ICA1L: variants seen among roughly 807,000 people sequenced by gnomAD.
ICA1L encodes islet cell autoantigen 1-like protein.
ICA1L carries 50 observed loss-of-function variants against 61.3 expected under a neutral mutation model. The observed-to-expected ratio is 0.82, with a 90% CI of 0.65 to 1.03. The LOEUF is 1.03. Among genes scored for constraint, ICA1L ranks in the 50% least tolerant of loss-of-function variants. ICA1L has a pLI of 0.00. For missense variants in ICA1L, 508 were observed against 556.7 expected (o/e 0.91, Z 0.88); for synonymous variants, 161 against 191.3 (o/e 0.84, Z 1.31).
At chr2:202,831,403 C>T (rs1022579117) in intron 1 of ICA1L, among the ~76,000 whole-genome samples, 2 of 152,092 alleles carry the variant, frequency 1.3e-5, no homozygotes, top group Non-Finnish European at 2.9e-5. Flanking sequence ...TGGTTGCTCT[C>T]AACTGCTTTC....
intron 1 of ICA1L, chr2:202,840,670 C>T: frequency 1.7e-6 from 1 of 593,054 alleles, no homozygotes; most frequent in Non-Finnish European, 3.2e-6. Context: ...GGTACTCATG[C>T]AGCTGCTACG....
intron 1 of ICA1L, among the ~76,000 whole-genome samples, chr2:202,833,023 G>C (rs1288562825): frequency 6.6e-6 from 1 of 151,590 alleles, no homozygotes; most frequent in Non-Finnish European, 1.5e-5. Context: ...ACCCCACGCA[G>C]GATAATACAA....
In ICA1L at chr2:202,774,410, G is replaced by T; in HGVS notation, c.*5123C>A. 1 of 990,032 alleles carries T rather than the reference G, an allele frequency of 1.0e-6. No homozygotes were observed. Among genetic ancestry groups the T allele is most frequent in the Non-Finnish European group, 1.4e-6 (1 of 740,350 alleles). The allele number at this position is 990,032 out of a possible 1,614,324, so 61.3% of individuals were successfully genotyped here. ...GCCTCACTGCGCCTCCAACAGCCAG[G>T]GTCGAGCCCCTGGCTCCCCGTTCGT... On this transcript the variant is annotated 3_prime_UTR_variant, in exon 13 of 13. Coordinates refer to ENST00000358299, the MANE Select transcript of ICA1L (RefSeq NM_001288622.3).
At chr2:202,783,614 T>G (rs1295999852) in intron 12 of ICA1L, among the ~76,000 whole-genome samples, 1 of 152,238 alleles carries the variant, frequency 6.6e-6, no homozygotes, top group African/African-American at 2.4e-5. Context: ...ATTAAAAGAC[T>G]AAAGAGACTT....
chr2:202,779,374 C>G lies in ICA1L; in HGVS notation c.*159G>C. On this transcript the variant is annotated 3_prime_UTR_variant, in exon 13 of 13. Transcript: ENST00000358299. ...AAGATATGAAAGATGTGTACTTATT[C>G]AAATGTGGTCTTTACCATCTGTCTA... 2.0e-6 allele frequency: 1 copy of G among 496,118 alleles called. No individual in the cohort carries two copies. The highest frequency in any genetic ancestry group is 3.8e-5 in the Admixed American group (1 of 26,542). 30.7% of individuals were successfully genotyped at this position (496,118 alleles called of 1,614,324 possible).
chr2:202,868,572 C>T (rs1461608745), intron 1 of ICA1L, among the ~76,000 whole-genome samples: 2 of 152,170 alleles, frequency 1.3e-5, no homozygotes, highest in Non-Finnish European at 2.9e-5. Flanking sequence ...TGAATGTCTA[C>T]TTATTTTAGC....
At chr2:202,866,741 T>A (rs372111696) in intron 1 of ICA1L, among the ~76,000 whole-genome samples, 3 of 151,626 alleles carry the variant, frequency 2.0e-5, no homozygotes, top group African/African-American at 7.3e-5. Context: ...AGGTCAGGAG[T>A]TCGAGACCAG....
chr2:202,794,721 G>T (rs1005836167), intron 10 of ICA1L, among the ~76,000 whole-genome samples: 2 of 151,754 alleles, frequency 1.3e-5, no homozygotes, highest in African/African-American at 4.8e-5. Flanking sequence ...ATATATAATG[G>T]AAAAGAAAAC....
At chr2:202,806,702 T>G (rs1693237964) in intron 9 of ICA1L, among the ~76,000 whole-genome samples, 1 of 152,008 alleles carries the variant, frequency 6.6e-6, no homozygotes, top group Non-Finnish European at 1.5e-5. Flanking sequence ...CTTTTATTTA[T>G]TGGTCACCTA....
chr2:202,836,798 T>TAG (rs1559143070), intron 1 of ICA1L, among the ~76,000 whole-genome samples: 24 of 147,782 alleles, frequency 1.6e-4, no homozygotes, highest in Non-Finnish European at 2.5e-4. Flanking sequence ...TGTATATCTA[T>TAG]ATATATAGAT....
chr2:202,839,582 G>C (rs1266488590), intron 1 of ICA1L, among the ~76,000 whole-genome samples: 1 of 135,770 alleles, frequency 7.4e-6, no homozygotes, highest in Non-Finnish European at 1.7e-5. Flanking sequence ...GTGTGTGTGT[G>C]TGTGTGTGTG....
At chr2:202,817,328 A>G (rs1693564705) in intron 6 of ICA1L, 90 bp downstream of exon 6, 9 of 1,213,438 alleles carry the variant, frequency 7.4e-6, no homozygotes, top group Non-Finnish European at 7.8e-6. Flanking sequence ...CTAATCATAC[A>G]TAAATTTTTA....
At chr2:202,813,251 A>G (rs1693431211) in intron 8 of ICA1L, among the ~76,000 whole-genome samples, 1 of 137,092 alleles carries the variant, frequency 7.3e-6, no homozygotes, top group Non-Finnish European at 1.6e-5. Context: ...AAAGAGTGAG[A>G]CTCTGTCAAA....
intron 3 of ICA1L, 41 bp from the exon 4 acceptor site, chr2:202,821,522 T>A: frequency 6.7e-7 from 1 of 1,501,350 alleles, no homozygotes; most frequent in Non-Finnish European, 9.1e-7. Flanking sequence ...TTTCCTTTCA[T>A]CATTTGTTTA....
chr2:202,824,094 A>T (rs767609138), intron 3 of ICA1L, among the ~76,000 whole-genome samples: 18 of 152,208 alleles, frequency 1.2e-4, no homozygotes, highest in Non-Finnish European at 2.2e-4. Flanking sequence ...CTGGGGACAC[A>T]GAAATAAAAC....
At chr2:202,870,180 T>A (rs1209178614) in intron 1 of ICA1L, among the ~76,000 whole-genome samples, 1 of 152,222 alleles carries the variant, frequency 6.6e-6, no homozygotes, top group Non-Finnish European at 1.5e-5. Flanking sequence ...CAGTATATTA[T>A]CTATTTTGTA....
At chr2:202,862,738 G>A (rs567385240) in intron 1 of ICA1L, among the ~76,000 whole-genome samples, 1 of 151,950 alleles carries the variant, frequency 6.6e-6, no homozygotes, top group Non-Finnish European at 1.5e-5. Context: ...TCGGGAGGCT[G>A]AGGCAGGAGA....
intron 9 of ICA1L, among the ~76,000 whole-genome samples, chr2:202,807,626 T>C (rs1267118358): frequency 1.3e-5 from 2 of 152,086 alleles, no homozygotes; most frequent in Non-Finnish European, 2.9e-5. Context: ...CCTAGTGAGA[T>C]ACCAGCCAGC....
chr2:202,824,445 G>T (rs1205922967), intron 3 of ICA1L, among the ~76,000 whole-genome samples: 1 of 151,966 alleles, frequency 6.6e-6, no homozygotes, highest in African/African-American at 2.4e-5. Flanking sequence ...TCTAGTGGTG[G>T]GAAGAAAAAC....
Sources: gnomAD v4.1 joint callset for allele counts (sites outside exome capture counted in the v4.1 genomes callset) on GRCh38, gnomAD v4.1.1 for gene constraint, MANE v1.5 for transcripts, NCBI Gene and HGNC (gene_info 2026-07-23, HGNC 2026-07-21) for gene names.